The following MARK3 variants were observed in gnomAD, a reference collection of about 807,000 sequenced individuals.
MARK3 encodes the protein microtubule affinity regulating kinase 3.
Under a neutral mutation model 90.1 loss-of-function variants are expected in MARK3, and 46 were observed. The ratio of observed to expected loss-of-function variants is 0.51; its 90% CI spans 0.40 to 0.65. The LOEUF (loss-of-function observed/expected upper bound fraction) is 0.65. Ranked by LOEUF, MARK3 falls within the 30% of genes least tolerant of loss-of-function variation. The pLI is 0.00. For synonymous variants in MARK3, 321 were observed against 332.6 expected, an observed-to-expected ratio of 0.97 and a Z score of 0.38; for missense variants, 818 against 947.2, an observed-to-expected ratio of 0.86 and a Z score of 1.79.
intron 2 of MARK3, among the ~76,000 whole-genome samples, chr14:103,420,731 A>T (rs2092178169): frequency 6.6e-6 from 1 of 152,114 alleles, no homozygotes. Context: ...GAAAAAATTT[A>T]TTTGTAACAC....
At chr14:103,404,985 G>A (rs754892887) in intron 1 of MARK3, 91 bp from the exon 2 acceptor site, 6 of 842,984 alleles carry the variant, frequency 7.1e-6, no homozygotes, top group Non-Finnish European at 7.2e-6. Flanking sequence ...AATTAAAGTA[G>A]GAATGTTTTT....
rs1415167256 is a variant in MARK3 at position 103,473,558 on chromosome 14, A to T, written c.1265-1435A>T. Among the ~76,000 whole-genome samples the T allele has an allele frequency of 6.6e-5, 10 of 152,190 alleles. No homozygotes were observed. The South Asian group carries it at 2.1e-3, about 31-fold the overall frequency. On this transcript the variant is annotated intron_variant, in intron 12 of 17. Coordinates refer to ENST00000429436, the MANE Select transcript of MARK3 (RefSeq NM_001128918.3). ...GCTAATATCACCCTATGCTTGATTA[A>T]GTTTTTGTTTTATATGTTAAAATCA...
chr14:103,423,583 TCGGGGATACCCCAGTTACC>T (rs1380396347), intron 2 of MARK3, among the ~76,000 whole-genome samples: 2 of 152,130 alleles, frequency 1.3e-5, no homozygotes, highest in Non-Finnish European at 2.9e-5. Flanking sequence ...GGCACTGCAA[TCGGGGATACCCCAGTTACC>T]ACCTCTTTTG....
At chr14:103,419,860 G>C (rs1388249142) in intron 2 of MARK3, among the ~76,000 whole-genome samples, 1 of 152,076 alleles carries the variant, frequency 6.6e-6, no homozygotes, top group Non-Finnish European at 1.5e-5. Context: ...GTTGTCTGAG[G>C]GGAGGGGTGA....
In MARK3 at chr14:103,502,862, C is replaced by A. The variant is rs758608410; in HGVS notation, c.1917-20C>A. The A allele has an allele frequency of 1.3e-6, 2 of 1,582,360 alleles. No homozygotes were observed. Among genetic ancestry groups the A allele is most frequent in the South Asian group, 2.3e-5 (2 of 88,034 alleles). On this transcript the variant is annotated intron_variant, in intron 17 of 17. Transcript: ENST00000429436. ...ATTTTCCTGTACGATTAAAAATAAA[C>A]CTGCCTCTATGCATTTCAGTCGCAA...
At chr14:103,474,956 A>G (rs2093690117) in intron 12 of MARK3, 37 bp from the exon 13 acceptor site, 1 of 1,507,864 alleles carries the variant, frequency 6.6e-7, no homozygotes, top group Non-Finnish European at 9.2e-7. Flanking sequence ...ACTTGAAACT[A>G]TATTCAGTCA....
At chr14:103,440,271 T>A (rs1216254823) in intron 3 of MARK3, among the ~76,000 whole-genome samples, 2 of 152,372 alleles carry the variant, frequency 1.3e-5, no homozygotes, top group East Asian at 3.9e-4. Context: ...TGCTGTGAAT[T>A]GTCCTCTGTG....
chr14:103,431,082 GTTTGTT>G (rs1460536716), intron 3 of MARK3, among the ~76,000 whole-genome samples: 1 of 151,532 alleles, frequency 6.6e-6, no homozygotes, highest in African/African-American at 2.4e-5. Flanking sequence ...TTGTTTGTTC[GTTTGTT>G]TTTGTTTTTG....
intron 15 of MARK3, among the ~76,000 whole-genome samples, chr14:103,494,338 G>A (rs1256339714): frequency 6.6e-6 from 1 of 151,356 alleles, no homozygotes; most frequent in Non-Finnish European, 1.5e-5. Flanking sequence ...GATCACCTGA[G>A]GTCGGGAATT....
intron 14 of MARK3, chr14:103,490,998 A>G (rs561049440): frequency 7.8e-7 from 1 of 1,287,984 alleles, no homozygotes; most frequent in Admixed American, 2.3e-5. Flanking sequence ...CTCAGTTTGT[A>G]CATCTACCTG....
rs2091214608 is a variant in MARK3, at chr14:103,405,326, G to A, written c.243+59G>A. 5.3e-6 allele frequency: 7 copies of A among 1,322,186 alleles called. No homozygotes were observed. In the South Asian group the frequency reaches 1.1e-4, roughly 20 times the overall value. 81.9% of individuals were successfully genotyped at this position (1,322,186 alleles called of 1,614,324 possible). ...AGTTGCTCTGTTTATTTCCATGTAA[G>A]AGAAAGAAAAGAATATAGATATAGG... On this transcript the variant is annotated intron_variant, in intron 2 of 17. Transcript: ENST00000429436.
rs1434090398 is a variant in MARK3, at chr14:103,499,910, G to A, written c.1872-246G>A. The A allele has an allele frequency of 5.7e-6, 3 of 530,794 alleles. No homozygotes were observed. The South Asian group carries it at 6.0e-5, about 11-fold the overall frequency. 32.9% of individuals were successfully genotyped at this position (530,794 alleles called of 1,614,324 possible). ...CGTGCAGCGGTATGGCATGCAATGT[G>A]TGTGATGTATGCAGTGTGCAGCATG... On this transcript the variant is annotated intron_variant, in intron 16 of 17. Transcript: ENST00000429436.
chr14:103,440,084 C>T (rs916155489), intron 3 of MARK3, among the ~76,000 whole-genome samples: 1 of 152,174 alleles, frequency 6.6e-6, no homozygotes, highest in Non-Finnish European at 1.5e-5. Flanking sequence ...CATGCCCAGC[C>T]GCTTTTGCTT....
chr14:103,433,057 C>T (rs1179917937), intron 3 of MARK3, among the ~76,000 whole-genome samples: 1 of 150,806 alleles, frequency 6.6e-6, no homozygotes, highest in East Asian at 2.0e-4. Context: ...TGTTATTGTG[C>T]CAATTGAAGT....
chr14:103,421,447 C>T (rs2092217318), intron 2 of MARK3, among the ~76,000 whole-genome samples: 1 of 152,132 alleles, frequency 6.6e-6, no homozygotes, highest in Admixed American at 6.5e-5. Flanking sequence ...AGGCTTTCCT[C>T]ATTTGTGTGA....
At chr14:103,485,660 G>A (rs967281901) in intron 14 of MARK3, among the ~76,000 whole-genome samples, 1 of 152,148 alleles carries the variant, frequency 6.6e-6, no homozygotes, top group Non-Finnish European at 1.5e-5. Flanking sequence ...AGAATGTTCT[G>A]ATAGGGGCTA....
intron 12 of MARK3, among the ~76,000 whole-genome samples, chr14:103,470,436 G>A (rs530399542): frequency 8.6e-6 from 1 of 116,426 alleles, no homozygotes; most frequent in East Asian, 2.7e-4. Context: ...TACTATTCCA[G>A]GATTCAGGAA....
At chr14:103,492,593 G>C (rs1298211363) in intron 15 of MARK3, among the ~76,000 whole-genome samples, 3 of 152,076 alleles carry the variant, frequency 2.0e-5, no homozygotes, top group Non-Finnish European at 4.4e-5. Flanking sequence ...AAAATCTCTG[G>C]TTTATTATCA....
chr14:103,501,301 G>A (rs944372043), intron 17 of MARK3, among the ~76,000 whole-genome samples: 3 of 152,180 alleles, frequency 2.0e-5, no homozygotes, highest in African/African-American at 4.8e-5. Flanking sequence ...ATCCCAGCCA[G>A]GAGCAGGCTC....
Sources: allele counts gnomAD v4.1 joint callset (sites outside exome capture counted in the v4.1 genomes callset), GRCh38; gene constraint gnomAD v4.1.1; transcripts MANE v1.5; gene names NCBI Gene and HGNC (gene_info 2026-07-23, HGNC 2026-07-21).